Variants in RYR3 observed in about 807,000 individuals in gnomAD.
RYR3 encodes the protein brain ryanodine receptor-calcium release channel.
A neutral mutation model predicts 584.3 loss-of-function variants in RYR3; 207 were observed. That is an observed-to-expected ratio of 0.35 (90% CI 0.32 to 0.40). The LOEUF (loss-of-function observed/expected upper bound fraction) is 0.40, where lower values mean the gene tolerates loss of function less well. Ranked by LOEUF, RYR3 falls within the 10% of genes least tolerant of loss-of-function variation. The pLI, the probability that RYR3 is intolerant of heterozygous loss-of-function variation, is 1.00. For missense variants in RYR3, 5,616 were observed against 6,089.2 expected (o/e 0.92, Z 2.59); for synonymous variants, 2,416 against 2,248.5 (o/e 1.07, Z -2.11).
chr15:33,565,085 G>A (rs1226920328), intron 11 of RYR3, among the ~76,000 whole-genome samples: 2 of 146,366 alleles, frequency 1.4e-5, no homozygotes, highest in Non-Finnish European at 3.0e-5. Flanking sequence ...CTCTTCAGTT[G>A]TAAGATTTCT....
chr15:33,460,095 A>G (rs940817749), intron 1 of RYR3, among the ~76,000 whole-genome samples: 2 of 152,222 alleles, frequency 1.3e-5, no homozygotes, highest in Non-Finnish European at 2.9e-5. Context: ...CTGTTGTTAG[A>G]ATATGCTCCA....
chr15:33,435,789 T>C (rs1044593433), intron 1 of RYR3, among the ~76,000 whole-genome samples: 1 of 152,146 alleles, frequency 6.6e-6, no homozygotes, highest in African/African-American at 2.4e-5. Context: ...AAAGGTGGTG[T>C]GGACCCAAAG....
At chr15:33,855,035 G>GC (rs2079501631) in intron 98 of RYR3, 123 bp downstream of exon 98, 7 of 1,005,486 alleles carry the variant, frequency 7.0e-6, no homozygotes, top group Non-Finnish European at 9.3e-6. Context: ...ACTTTTCTTG[G>GC]CCAAACACTT....
chr15:33,559,216 G>A (rs924387369), intron 10 of RYR3, among the ~76,000 whole-genome samples: 12 of 152,164 alleles, frequency 7.9e-5, no homozygotes, highest in South Asian at 2.1e-4. Flanking sequence ...AGGACAGTCC[G>A]TTCAGGGTCC....
intron 74 of RYR3, 188 bp downstream of exon 74, chr15:33,813,767 C>T: frequency 1.9e-6 from 1 of 537,312 alleles, no homozygotes; most frequent in South Asian, 2.5e-5. Context: ...AAACTGAAAC[C>T]AGATGAGATT....
rs1890392246 is a variant in RYR3, at chr15:33,866,000, G to C, written c.*774G>C. ...AATCTCAACCTTATGCCAAAATGGA[G>C]TAATGCTTTATGGTCCCTTGTAAGT... On this transcript the variant is annotated 3_prime_UTR_variant, in exon 104 of 104. Transcript: ENST00000634891. 6.5e-6 allele frequency: 1 copy of C among 152,922 alleles called. No individual in the cohort carries two copies. The highest frequency in any genetic ancestry group is 2.4e-5 in the African/African-American group (1 of 41,466). The allele number at this position is 152,922 out of a possible 1,614,324, so 9.5% of individuals were successfully genotyped here. A position where few individuals can be genotyped will look rare whatever the true frequency, so the allele number is the denominator to read the frequency against.
chr15:33,665,754 G>A (rs2063461326), intron 36 of RYR3, among the ~76,000 whole-genome samples: 1 of 152,226 alleles, frequency 6.6e-6, no homozygotes, highest in Admixed American at 6.5e-5. Flanking sequence ...CAGCATACCT[G>A]TGCATTTGGC....
At chr15:33,803,901 T>C (rs1426964453) in intron 69 of RYR3, among the ~76,000 whole-genome samples, 1 of 152,088 alleles carries the variant, frequency 6.6e-6, no homozygotes, top group Non-Finnish European at 1.5e-5. Flanking sequence ...CACAAAGCAA[T>C]GGAAATGAAT....
intron 1 of RYR3, among the ~76,000 whole-genome samples, chr15:33,445,575 C>T (rs1327055577): frequency 6.6e-6 from 1 of 151,540 alleles, no homozygotes; most frequent in Non-Finnish European, 1.5e-5. Flanking sequence ...ACCTACACTT[C>T]CGTTTTCCAG....
Position 33,663,518 on chromosome 15 carries a change from TATA to T in RYR3, c.5419-15_5419-13del, listed in dbSNP as rs781037354. On this transcript the variant is annotated splice_polypyrimidine_tract_variant and intron_variant, in intron 35 of 103. Transcript: ENST00000634891. Reference sequence around the variant, plus strand: ...ACCAAAGTACACAAAGTGTTATCTATATAATACTTTCATTGCAGATGTGTGAGC... The same window carrying T: ...ACCAAAGTACACAAAGTGTTATCTATATACTTTCATTGCAGATGTGTGAGC... 13 of 1,603,344 alleles carry T rather than the reference TATA, an allele frequency of 8.1e-6. No homozygotes were observed. The highest frequency in any genetic ancestry group is 1.7e-5 in the Admixed American group (1 of 59,718).
intron 28 of RYR3, 97 bp from the exon 29 acceptor site, chr15:33,646,254 A>T: frequency 9.6e-7 from 1 of 1,040,246 alleles, no homozygotes; most frequent in Non-Finnish European, 1.4e-6. Flanking sequence ...TGTAGTTCAC[A>T]GAATGCCTTG....
chr15:33,696,240 A>T lies in RYR3; in HGVS notation c.5883A>T (p.Ser1961=). ...RCPTTLKELI[S]QTMICWAQED... is the part of the protein sequence containing the mutation. ...CAGCAACATTGAAGGAACTCATCTC[A>T]CAGACGATGATCTGCTGGGCCCAGG... Residue 1961 remains serine, a synonymous_variant, in exon 39 of 104, where the codon TCA becomes TCT. Transcript: ENST00000634891. The T allele has an allele frequency of 6.2e-7, 1 of 1,613,360 alleles. No individual in the cohort carries two copies. The highest frequency in any genetic ancestry group is 8.5e-7 in the Non-Finnish European group (1 of 1,179,718).
intron 1 of RYR3, among the ~76,000 whole-genome samples, chr15:33,437,117 A>T (rs920082845): frequency 8.0e-5 from 12 of 149,572 alleles, no homozygotes; most frequent in Admixed American, 6.0e-4. Context: ...AGAGAGATAG[A>T]GTGTGTGTGT....
At chr15:33,344,565 A>G (rs1448696846) in intron 1 of RYR3, among the ~76,000 whole-genome samples, 1 of 152,124 alleles carries the variant, frequency 6.6e-6, no homozygotes, top group Non-Finnish European at 1.5e-5. Context: ...TAATTTTCCC[A>G]GGTGGAGTGT....
Position 33,712,257 on chromosome 15 carries a change from G to T in RYR3, c.6619+5203G>T, listed in dbSNP as rs540265729. Among the ~76,000 whole-genome samples, 25 of 152,258 alleles carry T rather than the reference G, an allele frequency of 1.6e-4. 1 individual carries two copies. The South Asian group carries it at 5.2e-3, about 32-fold the overall frequency. On this transcript the variant is annotated intron_variant, in intron 43 of 103. Coordinates refer to ENST00000634891, the MANE Select transcript of RYR3 (RefSeq NM_001036.6). ...CCATGATTCAAACACCTCCCACCAG[G>T]CCCCACCTCCAGCATTGGGGATTAC...
chr15:33,714,175 A>G (rs2067321688), intron 43 of RYR3, among the ~76,000 whole-genome samples: 1 of 152,100 alleles, frequency 6.6e-6, no homozygotes. Flanking sequence ...CTGTCTCCCT[A>G]ATCAACAAGG....
chr15:33,602,795 G>A (rs191563455), intron 17 of RYR3, among the ~76,000 whole-genome samples: 1 of 140,726 alleles, frequency 7.1e-6, no homozygotes, highest in East Asian at 2.2e-4. Context: ...GCCCAGGCTG[G>A]AGTGCGGTGG....
intron 2 of RYR3, among the ~76,000 whole-genome samples, chr15:33,473,869 C>A (rs1357028237): frequency 6.6e-6 from 1 of 152,160 alleles, no homozygotes; most frequent in Non-Finnish European, 1.5e-5. Flanking sequence ...TCCTAGAAAT[C>A]TGAGTGTGTG....
At chr15:33,666,153 C>A (rs1166436151) in intron 36 of RYR3, among the ~76,000 whole-genome samples, 1 of 152,118 alleles carries the variant, frequency 6.6e-6, no homozygotes, top group Non-Finnish European at 1.5e-5. Context: ...TACAGGCATG[C>A]ACCACCATGA....
Sources: gnomAD v4.1 joint callset for allele counts (sites outside exome capture counted in the v4.1 genomes callset) on GRCh38, gnomAD v4.1.1 for gene constraint, MANE v1.5 for transcripts, NCBI Gene and HGNC (gene_info 2026-07-23, HGNC 2026-07-21) for gene names.